The following IGF1R variants were observed in gnomAD, a reference collection of about 807,000 sequenced individuals.
The protein encoded by IGF1R is insulin-like growth factor 1 receptor.
A neutral mutation model predicts 144.6 loss-of-function variants in IGF1R; 44 were observed. The observed-to-expected ratio is 0.30, with a 90% CI of 0.24 to 0.39. IGF1R has a LOEUF of 0.39. IGF1R is among the 10% of genes least tolerant of loss of function. The pLI is 1.00. For missense variants in IGF1R, 1,355 were observed against 1,833.7 expected (o/e 0.74, Z 4.77); for synonymous variants, 795 against 722.8 (o/e 1.10, Z -1.60).
intron 2 of IGF1R, among the ~76,000 whole-genome samples, chr15:98,798,468 C>CAGTTA (rs2056295567): frequency 6.6e-6 from 1 of 151,990 alleles, no homozygotes; most frequent in Non-Finnish European, 1.5e-5. Flanking sequence ...TTAACAGGAC[C>CAGTTA]ATGCTGGCAG....
chr15:98,686,670 A>ATTTTTTTTTTTTTTTT (rs201014820), intron 1 of IGF1R, among the ~76,000 whole-genome samples: 1 of 145,698 alleles, frequency 6.9e-6, no homozygotes, highest in Non-Finnish European at 1.5e-5. Context: ...GAAGTATTTA[A>ATTTTTTTTTTTTTTTT]TTTTTTTTTT....
chr15:98,701,873 C>T (rs562072160), intron 1 of IGF1R, among the ~76,000 whole-genome samples: 1 of 152,178 alleles, frequency 6.6e-6, no homozygotes, highest in South Asian at 2.1e-4. Context: ...TTACTGTTTG[C>T]AGTAACACAA....
chr15:98,791,942 G>T (rs1363776688), intron 2 of IGF1R, among the ~76,000 whole-genome samples: 1 of 152,214 alleles, frequency 6.6e-6, no homozygotes, highest in Non-Finnish European at 1.5e-5. Context: ...ATATCCTCCA[G>T]TACACAATCT....
Position 98,922,314 on chromosome 15 carries a change from A to G in IGF1R, c.2368A>G (p.Ile790Val). ...AGTGGATAACAAGGAGAGAACTGTC[A>G]TTTCTAACCTTCGGCCTTTCACATT... ...SRVDNKERTV[I>V]SNLRPFTLYR... Residue 790 changes from isoleucine to valine, a missense_variant, in exon 11 of 21, where the codon ATT (isoleucine) becomes GTT (valine). This residue lies in a region of IGF1R where 880 missense variants were observed against 1,202.7 expected (regional missense o/e 0.73). Transcript: ENST00000650285. 6.2e-7 allele frequency: 1 copy of G among 1,614,180 alleles called. No homozygotes were observed. Among genetic ancestry groups the G allele is most frequent in the Non-Finnish European group, 8.5e-7 (1 of 1,180,036 alleles).
At chr15:98,743,005 C>G (rs1208686587) in intron 2 of IGF1R, among the ~76,000 whole-genome samples, 2 of 152,106 alleles carry the variant, frequency 1.3e-5, no homozygotes, top group Non-Finnish European at 2.9e-5. Context: ...TCATTGCACT[C>G]CAGCGAGTGC....
chr15:98,881,762 T>C (rs8042797), intron 2 of IGF1R, among the ~76,000 whole-genome samples: 38,973 of 151,940 alleles, frequency 0.26, 5,305 homozygotes, highest in East Asian at 0.41. Flanking sequence ...GTGCTCTTGG[T>C]GTGAACATTT....
intron 2 of IGF1R, among the ~76,000 whole-genome samples, chr15:98,758,471 C>T (rs540873656): frequency 6.6e-6 from 1 of 152,224 alleles, no homozygotes; most frequent in South Asian, 2.1e-4. Flanking sequence ...AATGGCAGAC[C>T]AGCAGATGGT....
intron 2 of IGF1R, among the ~76,000 whole-genome samples, chr15:98,782,543 TTAA>T (rs1486453014): frequency 6.6e-6 from 1 of 152,230 alleles, no homozygotes; most frequent in African/African-American, 2.4e-5. Flanking sequence ...TTTTTTCAGC[TTAA>T]TAATTTACCT....
intron 5 of IGF1R, 95 bp downstream of exon 5, chr15:98,899,716 T>A (rs1373054941): frequency 2.3e-6 from 3 of 1,282,384 alleles, no homozygotes; most frequent in Non-Finnish European, 3.4e-6. Flanking sequence ...CTCCCTGCCT[T>A]GTTAAAGAGA....
chr15:98,843,524 A>G lies in IGF1R; in HGVS notation c.641-47801A>G, dbSNP rs1043379158. Among the ~76,000 whole-genome samples, 4 of 152,202 alleles carry G rather than the reference A, an allele frequency of 2.6e-5. No individual in the cohort carries two copies. In the East Asian group the frequency reaches 5.8e-4, roughly 22 times the overall value. On this transcript the variant is annotated intron_variant, in intron 2 of 20. Transcript: ENST00000650285. Reference sequence around the variant, plus strand: ...GGTACACGATACAGTAGTTAGTTTTAAAAGTTTTTAAAATATTAAAAAATT... The same window carrying G: ...GGTACACGATACAGTAGTTAGTTTTGAAAGTTTTTAAAATATTAAAAAATT...
intron 2 of IGF1R, among the ~76,000 whole-genome samples, chr15:98,846,647 C>T (rs1028385996): frequency 6.6e-6 from 1 of 152,186 alleles, no homozygotes; most frequent in African/African-American, 2.4e-5. Flanking sequence ...GTATAGGTGA[C>T]ACAGTGGAGA....
chr15:98,654,063 T>C (rs561375538), intron 1 of IGF1R, among the ~76,000 whole-genome samples: 29 of 152,320 alleles, frequency 1.9e-4, no homozygotes, highest in African/African-American at 7.0e-4. Flanking sequence ...TCAGACTCAG[T>C]ATAGGGTGCA....
At chr15:98,741,235 C>CTGTTTTTTTTTTTTTTTTTTTTT (rs755082795) in intron 2 of IGF1R, among the ~76,000 whole-genome samples, 1 of 70,328 alleles carries the variant, frequency 1.4e-5, no homozygotes, top group African/African-American at 7.0e-5. Flanking sequence ...TTTTCCTGAG[C>CTGTTTTTTTTTTTTTTTTTTTTT]TTTTTTTTTT....
intron 5 of IGF1R, among the ~76,000 whole-genome samples, chr15:98,904,806 T>C (rs970730173): frequency 1.3e-5 from 2 of 152,238 alleles, no homozygotes; most frequent in Non-Finnish European, 2.9e-5. Flanking sequence ...CTCTGTAGGC[T>C]GGAGACCTCG....
chr15:98,768,329 CAACCTGGCCA>C (rs879555792), intron 2 of IGF1R, among the ~76,000 whole-genome samples: 99 of 152,168 alleles, frequency 6.5e-4, no homozygotes, highest in Non-Finnish European at 1.3e-3. Context: ...TAAAAGTGCA[CAACCTGGCCA>C]GGCGCGGTGG....
intron 2 of IGF1R, among the ~76,000 whole-genome samples, chr15:98,830,603 A>ATTTTTTTTTT (rs1555450173): frequency 3.7e-5 from 5 of 133,716 alleles, no homozygotes; most frequent in African/African-American, 1.6e-4. Context: ...TCTGATCATC[A>ATTTTTTTTTT]TCTTTTTTTT....
At chr15:98,702,677 C>T (rs1473427232) in intron 1 of IGF1R, among the ~76,000 whole-genome samples, 1 of 152,146 alleles carries the variant, frequency 6.6e-6, no homozygotes, top group Non-Finnish European at 1.5e-5. Flanking sequence ...TGGTGGTAAT[C>T]CCAGCACTTC....
chr15:98,713,098 C>G (rs756839776), intron 2 of IGF1R, among the ~76,000 whole-genome samples: 1 of 151,952 alleles, frequency 6.6e-6, no homozygotes, highest in African/African-American at 2.4e-5. Flanking sequence ...GGTGCTCTCC[C>G]GTGCTGACCA....
chr15:98,735,793 G>A (rs1040993103), intron 2 of IGF1R, among the ~76,000 whole-genome samples: 10 of 152,242 alleles, frequency 6.6e-5, no homozygotes, highest in African/African-American at 2.4e-4. Context: ...ACAGTATTTA[G>A]AGAGGGAGAT....
Sources: gnomAD v4.1 joint callset for allele counts (sites outside exome capture counted in the v4.1 genomes callset) on GRCh38, gnomAD v4.1.1 for gene constraint, gnomAD v4.1.1 regional missense constraint, MANE v1.5 for transcripts, NCBI Gene and HGNC (gene_info 2026-07-23, HGNC 2026-07-21) for gene names.